The following DAB1 variants were observed in gnomAD, a reference collection of about 807,000 sequenced individuals.
DAB1 encodes disabled homolog 1.
A neutral mutation model predicts 64.6 loss-of-function variants in DAB1; 15 were observed. The observed-to-expected ratio is 0.23, with a 90% confidence interval of 0.16 to 0.36. The LOEUF (loss-of-function observed/expected upper bound fraction) is 0.36. Ranked by LOEUF, DAB1 falls within the 10% of genes least tolerant of loss-of-function variation. The pLI, the probability that DAB1 is intolerant of heterozygous loss-of-function variation, is 1.00. For synonymous variants in DAB1, 235 were observed against 251.9 expected (o/e 0.93, Z 0.64); for missense variants, 596 against 706.7 (o/e 0.84, Z 1.78).
At chr1:57,416,635 G>A (rs1227100060) in intron 1 of DAB1, among the ~76,000 whole-genome samples, 2 of 152,054 alleles carry the variant, frequency 1.3e-5, no homozygotes, top group Non-Finnish European at 2.9e-5. Flanking sequence ...ACAAAATAAA[G>A]AATCACAATA....
chr1:57,584,366 G>GTT (rs1411004167), intron 7 of DAB1, among the ~76,000 whole-genome samples: 2 of 152,180 alleles, frequency 1.3e-5, no homozygotes, highest in Non-Finnish European at 2.9e-5. Context: ...TTTGGCTGAT[G>GTT]TTTTTCTTTT....
intron 4 of DAB1, among the ~76,000 whole-genome samples, chr1:58,306,867 C>A (rs953642587): frequency 1.3e-5 from 2 of 152,182 alleles, no homozygotes; most frequent in African/African-American, 4.8e-5. Context: ...TTGTGTAAGA[C>A]CACTTTCCAA....
intron 4 of DAB1, among the ~76,000 whole-genome samples, chr1:58,259,826 G>T (rs1661009974): frequency 6.6e-6 from 1 of 152,288 alleles, no homozygotes; most frequent in African/African-American, 2.4e-5. Context: ...GAATGGTCTG[G>T]TTAGGAGCTG....
chr1:57,742,575 T>C (rs1557454875), intron 6 of DAB1, among the ~76,000 whole-genome samples: 1 of 152,010 alleles, frequency 6.6e-6, no homozygotes, highest in African/African-American at 2.4e-5. Context: ...TGTGTAAAAA[T>C]ACAAATATGG....
intron 7 of DAB1, among the ~76,000 whole-genome samples, chr1:57,546,174 G>A (rs974017495): frequency 2.0e-5 from 3 of 151,858 alleles, no homozygotes; most frequent in Non-Finnish European, 4.4e-5. Flanking sequence ...AGCCCAAGAA[G>A]CAGAAGTAGA....
At chr1:58,364,326 C>G (rs1188094377) in intron 3 of DAB1, among the ~76,000 whole-genome samples, 1 of 152,194 alleles carries the variant, frequency 6.6e-6, no homozygotes, top group Non-Finnish European at 1.5e-5. Flanking sequence ...TGAGCTATTC[C>G]TGGGGTAACA....
intron 5 of DAB1, among the ~76,000 whole-genome samples, chr1:58,136,170 T>C (rs1241781608): frequency 6.6e-6 from 1 of 152,032 alleles, no homozygotes; most frequent in African/African-American, 2.4e-5. Context: ...AAACTAAAGG[T>C]CCCCTGTTAA....
At chr1:58,515,894 G>T (rs1301829378) in intron 2 of DAB1, among the ~76,000 whole-genome samples, 1 of 152,164 alleles carries the variant, frequency 6.6e-6, no homozygotes, top group South Asian at 2.1e-4. Context: ...AAAAGTCTAT[G>T]ATTCTACAAG....
At position 57,011,001 on chromosome 1, in the gene DAB1, A is replaced by C. The variant is rs375396250; in HGVS notation, c.1572+144T>G. ...AGCTGACTCATTTGAACACAAAAGA[A>C]AGCCCCTTTAGCAACCCCTTGAGAA... is the stretch of plus-strand genomic sequence containing the variant. On this transcript the variant is annotated intron_variant, in intron 13 of 14. Transcript: ENST00000371236. 8.5e-4 allele frequency: 947 copies of C among 1,116,206 alleles called. 16 individuals carry two copies. In the South Asian group the frequency reaches 0.014, roughly 16 times the overall value. The allele number at this position is 1,116,206 out of a possible 1,614,324, so 69.1% of individuals were successfully genotyped here.
chr1:57,615,748 G>A (rs766204808), intron 7 of DAB1, among the ~76,000 whole-genome samples: 3 of 152,132 alleles, frequency 2.0e-5, no homozygotes, highest in Non-Finnish European at 2.9e-5. Flanking sequence ...CAGTCTCCAA[G>A]CAATTCTTAG....
intron 2 of DAB1, among the ~76,000 whole-genome samples, chr1:58,518,029 A>G (rs1213126991): frequency 6.6e-6 from 1 of 151,276 alleles, no homozygotes; most frequent in Non-Finnish European, 1.5e-5. Flanking sequence ...TCAACTAAAA[A>G]TACAAAATTA....
chr1:57,547,567 C>T (rs1016407208), intron 7 of DAB1, among the ~76,000 whole-genome samples: 2 of 152,198 alleles, frequency 1.3e-5, no homozygotes, highest in African/African-American at 4.8e-5. Context: ...GGTCTCACTT[C>T]ATTCGAGTCT....
chr1:57,188,040 GAT>G (rs1382935424), intron 2 of DAB1, among the ~76,000 whole-genome samples: 1 of 152,194 alleles, frequency 6.6e-6, no homozygotes, highest in African/African-American at 2.4e-5. Context: ...ACATAGGAAA[GAT>G]GCAACAAATG....
intron 1 of DAB1, among the ~76,000 whole-genome samples, chr1:57,401,458 C>T (rs996012519): frequency 2.0e-5 from 3 of 152,190 alleles, no homozygotes; most frequent in African/African-American, 7.2e-5. Context: ...CAAACACCCA[C>T]TCTGATATAC....
chr1:58,513,595 G>A (rs1646114858), intron 2 of DAB1, among the ~76,000 whole-genome samples: 1 of 152,138 alleles, frequency 6.6e-6, no homozygotes, highest in Non-Finnish European at 1.5e-5. Context: ...AAATACTTTG[G>A]TCCTAGAATA....
chr1:58,138,971 C>T (rs766972702), intron 5 of DAB1, among the ~76,000 whole-genome samples: 1 of 152,148 alleles, frequency 6.6e-6, no homozygotes, highest in Non-Finnish European at 1.5e-5. Flanking sequence ...GAGATGGTTA[C>T]TTGTGCTTGG....
At chr1:57,823,914 G>A (rs569233348), downstream of DAB1, among the ~76,000 whole-genome samples, 8 of 152,324 alleles carry the variant, frequency 5.3e-5, no homozygotes, top group East Asian at 1.4e-3. Context: ...TTTGACCCTA[G>A]ACCTGTCTGA....
At chr1:58,261,580 C>T (rs527257031) in intron 4 of DAB1, among the ~76,000 whole-genome samples, 26 of 152,086 alleles carry the variant, frequency 1.7e-4, no homozygotes, top group South Asian at 2.1e-4. Context: ...TTAATTCCCC[C>T]GAGAAGGGGT....
chr1:58,055,943 G>T (rs1366262536), intron 5 of DAB1, among the ~76,000 whole-genome samples: 1 of 150,232 alleles, frequency 6.7e-6, no homozygotes, highest in Non-Finnish European at 1.5e-5. Flanking sequence ...TCCCTATGTT[G>T]TTCAGGCTGG....
Sources: gnomAD v4.1 joint callset for allele counts (sites outside exome capture counted in the v4.1 genomes callset) on GRCh38, gnomAD v4.1.1 for gene constraint, MANE v1.5 for transcripts, NCBI Gene and HGNC (gene_info 2026-07-23, HGNC 2026-07-21) for gene names.